MGST1: variants seen among roughly 807,000 people sequenced by gnomAD.
The protein encoded by MGST1 is microsomal glutathione S-transferase 1, also known as glutathione S-transferase 12.
In MGST1, 5 loss-of-function variants were observed where a neutral mutation model predicts 8.9. That is an observed-to-expected ratio of 0.56 (90% CI 0.29 to 1.19). The LOEUF (loss-of-function observed/expected upper bound fraction) is 1.19. MGST1 is among the 50% of genes most tolerant of loss of function. MGST1 has a pLI of 0.08. For missense variants in MGST1, 182 were observed against 187.4 expected (o/e 0.97, Z 0.17); for synonymous variants, 54 against 67.8 (o/e 0.80, Z 1.00).
chr12:16,490,657 C>T lies in MGST1; in HGVS notation n.483-98871C>T, dbSNP rs1026514732. 2.0e-4 allele frequency among the ~76,000 whole-genome samples: 31 copies of T among 152,040 alleles called. 1 individual carries two copies. Among genetic ancestry groups the T allele is most frequent in the African/African-American group, 7.0e-4 (29 of 41,398 alleles). ...ATAATGATATCATTTGATCTTTATA[C>T]AAACCTATGAAGCTGGTATAACTAT... On this transcript the variant is annotated intron_variant and non_coding_transcript_variant, in intron 4 of 4. Transcript: ENST00000538857.
intron 2 of MGST1, among the ~76,000 whole-genome samples, chr12:16,357,319 G>A (rs760202759): frequency 5.3e-5 from 8 of 152,024 alleles, no homozygotes. Context: ...GATTGTAGTG[G>A]TGCAATCACA....
intron 4 of MGST1, among the ~76,000 whole-genome samples, chr12:16,540,206 T>G (rs1361426879): frequency 6.6e-6 from 1 of 152,214 alleles, no homozygotes; most frequent in African/African-American, 2.4e-5. Flanking sequence ...GGAGCCTTGA[T>G]ATCTCCTTCC....
At chr12:16,504,902 A>G (rs1941527537) in intron 4 of MGST1, among the ~76,000 whole-genome samples, 1 of 152,090 alleles carries the variant, frequency 6.6e-6, no homozygotes, top group Non-Finnish European at 1.5e-5. Flanking sequence ...TTCCTTTTTT[A>G]AAAACAAACA....
exon 2 of MGST1, chr12:16,438,080 T>C (rs1941004416): frequency 6.6e-6 from 1 of 151,966 alleles, no homozygotes; most frequent in Non-Finnish European, 1.5e-5. Context: ...GCTCCACAGC[T>C]TGTAAAATCA....
chr12:16,532,176 T>C (rs749499761), intron 4 of MGST1, among the ~76,000 whole-genome samples: 3 of 152,148 alleles, frequency 2.0e-5, no homozygotes, highest in Non-Finnish European at 2.9e-5. Context: ...TCCCAGATGT[T>C]ACAGATTGCA....
chr12:16,546,905 A>G lies in MGST1; in HGVS notation n.483-42623A>G, dbSNP rs561040797. 5.9e-5 allele frequency among the ~76,000 whole-genome samples: 9 copies of G among 152,256 alleles called. No individual in the cohort carries two copies. The East Asian group carries it at 9.6e-4, about 16-fold the overall frequency. On this transcript the variant is annotated intron_variant and non_coding_transcript_variant, in intron 4 of 4. Coordinates refer to the MGST1 transcript ENST00000538857. This position sits in a 1 kb window ranked among gnomAD's most constrained non-coding sequence, Gnocchi z 4.7. ...AATGCAAAACTGGCAATGATCATGC[A>G]TATTTTAGTCTTCAGGAAAAGTTAC...
chr12:16,446,650 C>A (rs974124772), intron 4 of MGST1, among the ~76,000 whole-genome samples: 2 of 151,856 alleles, frequency 1.3e-5, no homozygotes, highest in African/African-American at 4.8e-5. Context: ...TGCCACTTAG[C>A]CTTTATTGAT....
chr12:16,357,564 C>G (rs758928499), intron 2 of MGST1, 41 bp from the exon 3 acceptor site: 1 of 1,490,338 alleles, frequency 6.7e-7, no homozygotes, highest in Non-Finnish European at 9.3e-7. Flanking sequence ...TTGCTCCTGG[C>G]CAGTATTTGA....
intron 4 of MGST1, among the ~76,000 whole-genome samples, chr12:16,457,584 T>C (rs1440324415): frequency 1.3e-5 from 2 of 152,142 alleles, no homozygotes; most frequent in East Asian, 3.9e-4. Context: ...GGTCCATCTA[T>C]TATTATATTG....
chr12:16,378,178 T>C (rs1180273354), downstream of MGST1, among the ~76,000 whole-genome samples: 1 of 152,162 alleles, frequency 6.6e-6, no homozygotes, highest in African/African-American at 2.4e-5. Flanking sequence ...ATTTTGGCTT[T>C]TGTTGCCATT....
At chr12:16,575,782 C>T (rs547565265) in intron 4 of MGST1, among the ~76,000 whole-genome samples, 6 of 150,310 alleles carry the variant, frequency 4.0e-5, no homozygotes, top group Non-Finnish European at 7.4e-5. Flanking sequence ...CTTTTCATGT[C>T]CTGACCTGTA....
Position 16,395,811 on chromosome 12 carries a change from A to ATATATATATATATATG in MGST1, n.778+12207_778+12208insTATATATATATATATG, listed in dbSNP as rs1247749625. Among the ~76,000 whole-genome samples the ATATATATATATATATG allele has an allele frequency of 3.5e-4, 49 of 141,462 alleles. 1 individual carries two copies. The highest frequency in any genetic ancestry group is 1.4e-3 in the African/African-American group (45 of 33,298). 92.8% of individuals were successfully genotyped at this position (141,462 alleles called of 152,430 possible). On this transcript the variant is annotated intron_variant and non_coding_transcript_variant, in intron 1 of 1. Coordinates refer to the MGST1 transcript ENST00000359720. ...TATATATATATATATATATACACACACACACACACACACACCACAATTTCT... is the reference window on the plus strand; with the variant it reads ...TATATATATATATATATATACACACATATATATATATATATGCACACACACACACACCACAATTTCT...
At chr12:16,485,374 C>A (rs1010829989) in intron 4 of MGST1, among the ~76,000 whole-genome samples, 1 of 152,142 alleles carries the variant, frequency 6.6e-6, no homozygotes, top group Non-Finnish European at 1.5e-5. Flanking sequence ...ATTTAAAATT[C>A]AGTTCCTCTG....
chr12:16,528,384 T>C (rs768714825), intron 4 of MGST1, among the ~76,000 whole-genome samples: 21 of 151,974 alleles, frequency 1.4e-4, no homozygotes, highest in Non-Finnish European at 1.8e-4. Flanking sequence ...AAAATGAATA[T>C]AAAAGTAAAC....
chr12:16,411,013 G>C (rs539924059), intron 1 of MGST1, among the ~76,000 whole-genome samples: 24 of 152,038 alleles, frequency 1.6e-4, no homozygotes, highest in Non-Finnish European at 3.2e-4. Flanking sequence ...TATGCTTCCT[G>C]CTCCACTCCC....
intron 4 of MGST1, among the ~76,000 whole-genome samples, chr12:16,484,007 C>T (rs117323003): frequency 1.3e-5 from 2 of 152,314 alleles, no homozygotes; most frequent in Non-Finnish European, 2.9e-5. Context: ...TACCCTCTGA[C>T]TACAGTGGGA....
intron 1 of MGST1, among the ~76,000 whole-genome samples, chr12:16,417,586 C>G (rs977263024): frequency 6.6e-6 from 1 of 152,124 alleles, no homozygotes; most frequent in Admixed American, 6.6e-5. Context: ...ATGAAAGAAT[C>G]CAAGTGTTAT....
At chr12:16,390,248 TA>T (rs1174381145) in intron 1 of MGST1, among the ~76,000 whole-genome samples, 3 of 152,166 alleles carry the variant, frequency 2.0e-5, no homozygotes, top group East Asian at 1.9e-4. Context: ...GAGAATTTTT[TA>T]AAAAAATTGT....
intron 4 of MGST1, among the ~76,000 whole-genome samples, chr12:16,446,529 A>G (rs2193140): frequency 0.61 from 92,540 of 151,594 alleles, 28,653 homozygotes; most frequent in East Asian, 0.81. Flanking sequence ...GAGATGCTGT[A>G]TTCTATTAAC....
Sources: gnomAD v4.1 joint callset for allele counts (sites outside exome capture counted in the v4.1 genomes callset) on GRCh38, gnomAD v4.1.1 for gene constraint, Gnocchi (gnomAD v3.1) non-coding constraint, MANE v1.5 for transcripts, NCBI Gene and HGNC (gene_info 2026-07-23, HGNC 2026-07-21) for gene names.